The following RFTN1 variants were observed in gnomAD, a reference collection of about 807,000 sequenced individuals.
RFTN1 encodes the protein raftlin, lipid raft linker 1.
Under a neutral mutation model 46.5 loss-of-function variants are expected in RFTN1, and 26 were observed. The ratio of observed to expected loss-of-function variants is 0.56; its 90% CI spans 0.41 to 0.78. The LOEUF (loss-of-function observed/expected upper bound fraction) is 0.78. RFTN1 is among the 30% of genes least tolerant of loss of function. The probability of loss-of-function intolerance (pLI) is 0.00; values close to 1 mark genes in which losing one functional copy is unlikely to be tolerated. For missense variants in RFTN1, 693 were observed against 718.7 expected (o/e 0.96, Z 0.41); for synonymous variants, 261 against 284.2 (o/e 0.92, Z 0.82).
In RFTN1 at chr3:16,385,127, G is replaced by A. The variant is rs1039233494; in HGVS notation, c.442-7025C>T. ...CGCAGGGAGCCCACAGCAGAGGCAT[G>A]CCCTAGGTGTCAAGAACAGGTACAA... is the stretch of plus-strand genomic sequence containing the variant. On this transcript the variant is annotated intron_variant, in intron 4 of 9. Coordinates refer to ENST00000334133, the MANE Select transcript of RFTN1 (RefSeq NM_015150.2). This position sits in a 1 kb window ranked among gnomAD's most constrained non-coding sequence, Gnocchi z 5.0. 1.3e-5 allele frequency among the ~76,000 whole-genome samples: 2 copies of A among 152,188 alleles called. No homozygotes were observed. The highest frequency in any genetic ancestry group is 4.8e-5 in the African/African-American group (2 of 41,432).
At chr3:16,411,621 C>T (rs546730652) in intron 3 of RFTN1, among the ~76,000 whole-genome samples, 1 of 152,270 alleles carries the variant, frequency 6.6e-6, no homozygotes, top group South Asian at 2.1e-4. Context: ...ATTTCCTCCC[C>T]AAACAAAAGA....
In RFTN1 at chr3:16,390,854, T is replaced by C. The variant is rs527780593; in HGVS notation, c.442-12752A>G. Reference sequence around the variant, plus strand: ...CAAAATTTCTACACCAACTGAACGATGAATAGTTCATCAAAAAACTAACTT... The same window carrying C: ...CAAAATTTCTACACCAACTGAACGACGAATAGTTCATCAAAAAACTAACTT... On this transcript the variant is annotated intron_variant, in intron 4 of 9. Transcript: ENST00000334133. Among the ~76,000 whole-genome samples the C allele has an allele frequency of 1.6e-4, 25 of 152,372 alleles. 1 individual carries two copies. In the South Asian group the frequency reaches 5.0e-3, roughly 30 times the overall value.
chr3:16,454,313 G>C (rs1575316763), intron 2 of RFTN1, among the ~76,000 whole-genome samples: 1 of 152,224 alleles, frequency 6.6e-6, no homozygotes, highest in African/African-American at 2.4e-5. Context: ...ATGCCGTGCT[G>C]ACTTCTCAGC....
At chr3:16,434,921 C>T (rs1343259691) in intron 2 of RFTN1, among the ~76,000 whole-genome samples, 2 of 152,160 alleles carry the variant, frequency 1.3e-5, no homozygotes, top group Non-Finnish European at 2.9e-5. Flanking sequence ...TTTGAAAACA[C>T]ACTTTAATTC....
At position 16,357,741 on chromosome 3, in the gene RFTN1, G is replaced by A. The variant is rs139980660; in HGVS notation, c.1146+191C>T. Among the ~76,000 whole-genome samples, 183 of 152,254 alleles carry A rather than the reference G, an allele frequency of 1.2e-3. 1 individual carries two copies. The highest frequency in any genetic ancestry group is 2.5e-3 in the Non-Finnish European group (167 of 68,018). ...TTTTCTTGCAGAAAGGGAAGAGCGG[G>A]GCCCACCCCTACCTGGGGGTGGGAA... On this transcript the variant is annotated intron_variant, in intron 7 of 9. Transcript: ENST00000334133.
At position 16,348,470 on chromosome 3, in the gene RFTN1, G is replaced by T. The variant is rs2071881972; in HGVS notation, c.1146+9462C>A. 6.6e-6 allele frequency among the ~76,000 whole-genome samples: 1 copy of T among 152,150 alleles called. No homozygotes were observed. Among genetic ancestry groups the T allele is most frequent in the African/African-American group, 2.4e-5 (1 of 41,438 alleles). ...AATTCCCTTAGCCCATCCAAGTCCT[G>T]GCTTGACTTGCCAATACCCAGCTGG... is the stretch of plus-strand genomic sequence containing the variant. On this transcript the variant is annotated intron_variant, in intron 7 of 9. Coordinates refer to ENST00000334133, the MANE Select transcript of RFTN1 (RefSeq NM_015150.2). The surrounding 1 kb of genome is among the most constrained non-coding windows in gnomAD (Gnocchi z 6.3).
intron 2 of RFTN1, chr3:16,482,713 T>C: frequency 7.0e-7 from 1 of 1,433,688 alleles, no homozygotes; most frequent in East Asian, 2.5e-5. Context: ...CTGTTATTAC[T>C]GTTGCTACTG....
rs1553718092 is a variant in RFTN1, at chr3:16,324,620, C to CCG, written c.1251-1164_1251-1163insCG. 4.2e-5 allele frequency among the ~76,000 whole-genome samples: 6 copies of CCG among 142,888 alleles called. 1 individual carries two copies. The highest frequency in any genetic ancestry group is 9.2e-5 in the Non-Finnish European group (6 of 64,960). The allele number at this position is 142,888 out of a possible 152,430, so 93.7% of individuals were successfully genotyped here. A position where few individuals can be genotyped will look rare whatever the true frequency, so the allele number is the denominator to read the frequency against. The stretch of plus-strand genomic sequence containing the variant: ...AATAACAGAATGTCCCTGACCCCCC[C>CCG]CCTTTTAAGGTTGCATAGTATTCCA... On this transcript the variant is annotated intron_variant, in intron 8 of 9. Transcript: ENST00000334133.
chr3:16,391,901 T>TTTTTTTTG (rs2074360459), intron 4 of RFTN1, among the ~76,000 whole-genome samples: 1 of 112,026 alleles, frequency 8.9e-6, no homozygotes, highest in Non-Finnish European at 1.8e-5. Context: ...TTTGTTTTTT[T>TTTTTTTTG]TACGGGGAAG....
chr3:16,441,243 T>C (rs1559349168), intron 2 of RFTN1, among the ~76,000 whole-genome samples: 2 of 151,286 alleles, frequency 1.3e-5, no homozygotes, highest in Non-Finnish European at 2.9e-5. Context: ...ATAAGTGTTT[T>C]GTTTTTCTTT....
intron 1 of RFTN1, among the ~76,000 whole-genome samples, chr3:16,496,356 A>C (rs1009981939): frequency 6.6e-6 from 1 of 152,258 alleles, no homozygotes. Context: ...ACTCACATCC[A>C]CCATGAATCA....
chr3:16,393,393 A>T (rs1016336978), intron 4 of RFTN1, among the ~76,000 whole-genome samples: 1 of 152,226 alleles, frequency 6.6e-6, no homozygotes, highest in Non-Finnish European at 1.5e-5. Context: ...TCCAATGCAC[A>T]TAAGACAGAA....
In RFTN1 at chr3:16,385,083, G is replaced by A. The variant is rs1426832766; in HGVS notation, c.442-6981C>T. 6.6e-6 allele frequency among the ~76,000 whole-genome samples: 1 copy of A among 152,128 alleles called. No homozygotes were observed. Among genetic ancestry groups the A allele is most frequent in the African/African-American group, 2.4e-5 (1 of 41,420 alleles). On this transcript the variant is annotated intron_variant, in intron 4 of 9. Transcript: ENST00000334133. The surrounding 1 kb of genome is among the most constrained non-coding windows in gnomAD (Gnocchi z 5.0). ...CATAACTCACACGCCCCCGATCCGT[G>A]ACAACATAGCACAGCACACGCAGGG... is the stretch of plus-strand genomic sequence containing the variant.
rs1266570948 is a variant in RFTN1 at position 16,480,651 on chromosome 3, A to C, written c.145+13074T>G. Among the ~76,000 whole-genome samples the C allele has an allele frequency of 6.6e-6, 1 of 152,228 alleles. No individual in the cohort carries two copies. The highest frequency in any genetic ancestry group is 1.5e-5 in the Non-Finnish European group (1 of 68,038). ...AAATATTTCGTAGATAAAATTCAACAGGACTCCTGTCTTCTGAAGCATTGG... is the reference window on the plus strand; with the variant it reads ...AAATATTTCGTAGATAAAATTCAACCGGACTCCTGTCTTCTGAAGCATTGG... On this transcript the variant is annotated intron_variant, in intron 2 of 9. Coordinates refer to ENST00000334133, the MANE Select transcript of RFTN1 (RefSeq NM_015150.2). This position sits in a 1 kb window ranked among gnomAD's most constrained non-coding sequence, Gnocchi z 4.3.
Position 16,335,975 on chromosome 3 carries a change from C to T in RFTN1, c.1147-9099G>A, listed in dbSNP as rs144025566. ...AGGAGGCAGAGCATGCTGGCGCCTT[C>T]TCAGGGCTGCCTGGGCCCTGCTCAG... On this transcript the variant is annotated intron_variant, in intron 7 of 9. Coordinates refer to ENST00000334133, the MANE Select transcript of RFTN1 (RefSeq NM_015150.2). The surrounding 1 kb of genome is among the most constrained non-coding windows in gnomAD (Gnocchi z 4.7). Among the ~76,000 whole-genome samples, 1,122 of 152,298 alleles carry T rather than the reference C, an allele frequency of 7.4e-3. 17 individuals carry two copies. The highest frequency in any genetic ancestry group is 0.025 in the African/African-American group (1,048 of 41,564).
At position 16,348,085 on chromosome 3, in the gene RFTN1, T is replaced by A. The variant is rs1451130122; in HGVS notation, c.1146+9847A>T. The A allele has an allele frequency of 6.6e-6, 1 of 152,130 alleles. No homozygotes were observed. Among genetic ancestry groups the A allele is most frequent in the Admixed American group, 6.5e-5 (1 of 15,272 alleles). The allele number at this position is 152,130 out of a possible 1,614,324, so 9.4% of individuals were successfully genotyped here. ...CTGAGGCCAGGGAGCAGGGCTTTCA[T>A]ACACCCACACTCCTCTGTCATCGAC... On this transcript the variant is annotated intron_variant, in intron 7 of 9. Coordinates refer to ENST00000334133, the MANE Select transcript of RFTN1 (RefSeq NM_015150.2). This position sits in a 1 kb window ranked among gnomAD's most constrained non-coding sequence, Gnocchi z 6.3.
chr3:16,470,973 G>C (rs756148980), intron 2 of RFTN1, among the ~76,000 whole-genome samples: 18 of 152,206 alleles, frequency 1.2e-4, no homozygotes, highest in Non-Finnish European at 2.2e-4. Flanking sequence ...ACCTCACAGA[G>C]TTGTTAAAGG....
At chr3:16,378,293 TTTTAA>T (rs2073860391) in intron 4 of RFTN1, among the ~76,000 whole-genome samples, 191 bp from the exon 5 acceptor site, 1 of 152,250 alleles carries the variant, frequency 6.6e-6, no homozygotes, top group Non-Finnish European at 1.5e-5. Flanking sequence ...AAGACAGTTT[TTTTAA>T]TTTGTTTTAA....
intron 7 of RFTN1, among the ~76,000 whole-genome samples, chr3:16,354,501 C>T (rs1275423869): frequency 2.0e-5 from 3 of 152,222 alleles, no homozygotes; most frequent in Admixed American, 2.0e-4. Context: ...TCCTTTGACA[C>T]AGTTCTGTCC....
Sources: gnomAD v4.1 joint callset for allele counts (sites outside exome capture counted in the v4.1 genomes callset) on GRCh38, gnomAD v4.1.1 for gene constraint, Gnocchi (gnomAD v3.1) non-coding constraint, MANE v1.5 for transcripts, NCBI Gene and HGNC (gene_info 2026-07-23, HGNC 2026-07-21) for gene names.